The following NCKAP5 variants were observed in gnomAD, a reference collection of about 807,000 sequenced individuals.
NCKAP5 encodes the protein nck-associated protein 5.
NCKAP5 carries 92 observed loss-of-function variants against 167.0 expected under a neutral mutation model. The observed-to-expected ratio is 0.55, with a 90% CI of 0.47 to 0.66. The LOEUF (loss-of-function observed/expected upper bound fraction) is 0.66, where lower values mean the gene tolerates loss of function less well. NCKAP5 is among the 30% of genes least tolerant of loss of function. The pLI is 0.00. For synonymous variants in NCKAP5, 891 were observed against 877.4 expected (o/e 1.02, Z -0.27); for missense variants, 2,378 against 2,315.0 (o/e 1.03, Z -0.56).
chr2:133,493,987 G>C (rs986997138), intron 3 of NCKAP5, among the ~76,000 whole-genome samples: 3 of 152,184 alleles, frequency 2.0e-5, no homozygotes, highest in Non-Finnish European at 2.9e-5. Flanking sequence ...GCTTGTCCAA[G>C]AAATCATTCT....
chr2:133,603,711 T>A, the NCKAP5 span, among the ~76,000 whole-genome samples: 1 of 151,680 alleles, frequency 6.6e-6, no homozygotes, highest in Non-Finnish European at 1.5e-5. Flanking sequence ...GCTAATTTTG[T>A]ATTTTTGGTA....
At chr2:133,230,868 G>A (rs952227968) in intron 4 of NCKAP5, among the ~76,000 whole-genome samples, 12 of 152,162 alleles carry the variant, frequency 7.9e-5, no homozygotes, top group African/African-American at 2.9e-4. Context: ...AAATCACTGT[G>A]ACAAGTTTGT....
chr2:133,104,490 G>C (rs572438521), intron 6 of NCKAP5, among the ~76,000 whole-genome samples: 4 of 152,330 alleles, frequency 2.6e-5, no homozygotes, highest in African/African-American at 9.6e-5. Context: ...TCTTGACTGT[G>C]CAAACTGTAC....
At chr2:133,161,368 T>C (rs116822807) in intron 5 of NCKAP5, among the ~76,000 whole-genome samples, 3,883 of 152,252 alleles carry the variant, frequency 0.026, 79 homozygotes, top group Middle Eastern at 0.082. Context: ...CTATATATGT[T>C]TATTGAAAAT....
At chr2:133,451,745 G>A (rs1691563628) in intron 3 of NCKAP5, among the ~76,000 whole-genome samples, 1 of 152,160 alleles carries the variant, frequency 6.6e-6, no homozygotes, top group Non-Finnish European at 1.5e-5. Flanking sequence ...ATCTCAGAAA[G>A]CCTGGCATGA....
At position 132,782,827 on chromosome 2, in the gene NCKAP5, A is replaced by C; in HGVS notation, c.3984T>G (p.Ser1328=). 1 of 1,613,908 alleles carries C rather than the reference A, an allele frequency of 6.2e-7. No individual in the cohort carries two copies. Among genetic ancestry groups the C allele is most frequent in the Non-Finnish European group, 8.5e-7 (1 of 1,179,872 alleles). Reference sequence around the variant, plus strand: ...TGGGGAGACTCTCCAACATGGGAGCAGAAGGGGCCTTGTTGGGAGAGCTTT... The same window carrying C: ...TGGGGAGACTCTCCAACATGGGAGCCGAAGGGGCCTTGTTGGGAGAGCTTT... ...STESSPNKAP[S]APMLESLPSV... is the part of the protein sequence containing the mutation. The change falls in exon 14 of 20, where the codon TCT becomes TCG. Residue 1328 remains serine (S), a synonymous_variant. Transcript: ENST00000409261.
chr2:133,316,848 G>A (rs1450029280), intron 3 of NCKAP5, among the ~76,000 whole-genome samples: 2 of 152,158 alleles, frequency 1.3e-5, no homozygotes, highest in Non-Finnish European at 2.9e-5. Context: ...GCAGGCTGTT[G>A]TTTGTATTAA....
intron 11 of NCKAP5, among the ~76,000 whole-genome samples, chr2:132,831,703 G>C (rs1208971191): frequency 6.6e-6 from 1 of 151,460 alleles, no homozygotes; most frequent in African/African-American, 2.4e-5. Context: ...TTTGCAATAG[G>C]GTTTTTGTTT....
At chr2:133,669,347 C>T in the NCKAP5 span, among the ~76,000 whole-genome samples, 1 of 152,170 alleles carries the variant, frequency 6.6e-6, no homozygotes, top group East Asian at 1.9e-4. Context: ...TGCTTTCTTG[C>T]TTTTTTGGAG....
At chr2:133,464,069 A>G (rs1273716373) in intron 3 of NCKAP5, among the ~76,000 whole-genome samples, 1 of 152,086 alleles carries the variant, frequency 6.6e-6, no homozygotes, top group Non-Finnish European at 1.5e-5. Flanking sequence ...GCATGCCCCA[A>G]CTTTCCATCA....
At chr2:132,853,416 T>A (rs1689225234) in intron 11 of NCKAP5, among the ~76,000 whole-genome samples, 1 of 152,154 alleles carries the variant, frequency 6.6e-6, no homozygotes, top group Non-Finnish European at 1.5e-5. Context: ...AGGCATCTGA[T>A]CTCCGAGCAT....
At chr2:133,501,172 A>G (rs945025872) in intron 3 of NCKAP5, among the ~76,000 whole-genome samples, 1 of 152,204 alleles carries the variant, frequency 6.6e-6, no homozygotes, top group Admixed American at 6.5e-5. Context: ...AATTAGTGAC[A>G]AACCTGGGAC....
intron 6 of NCKAP5, among the ~76,000 whole-genome samples, chr2:133,108,289 G>T (rs2081785873): frequency 6.6e-6 from 1 of 152,192 alleles, no homozygotes; most frequent in African/African-American, 2.4e-5. Context: ...GAATAAGAGA[G>T]AAATGCTAGA....
chr2:132,869,193 G>A (rs1690599981), intron 9 of NCKAP5, among the ~76,000 whole-genome samples: 1 of 152,036 alleles, frequency 6.6e-6, no homozygotes, highest in South Asian at 2.1e-4. Context: ...AATTAAGATG[G>A]TTACACTTAA....
chr2:132,743,784 T>C (rs1278749335), intron 16 of NCKAP5, among the ~76,000 whole-genome samples: 3 of 151,722 alleles, frequency 2.0e-5, no homozygotes, highest in African/African-American at 7.2e-5. Flanking sequence ...TATACCTATT[T>C]ATATGCTGTA....
intron 11 of NCKAP5, among the ~76,000 whole-genome samples, chr2:132,812,406 G>T (rs2105273386): frequency 6.6e-6 from 1 of 152,354 alleles, no homozygotes; most frequent in South Asian, 2.1e-4. Context: ...GAGAGGCTAA[G>T]TAACTGTTAA....
chr2:133,536,036 A>T (rs1362854030), intron 2 of NCKAP5, among the ~76,000 whole-genome samples: 11 of 152,116 alleles, frequency 7.2e-5, no homozygotes, highest in Non-Finnish European at 1.5e-4. Context: ...TCTGGATATT[A>T]GTCCTTTGTC....
chr2:132,941,651 C>T (rs1697308143), intron 8 of NCKAP5, among the ~76,000 whole-genome samples: 1 of 152,280 alleles, frequency 6.6e-6, no homozygotes, highest in South Asian at 2.1e-4. Flanking sequence ...AAACCTGGGT[C>T]TAGCAATTCC....
chr2:132,818,260 C>A (rs79966692), intron 11 of NCKAP5, among the ~76,000 whole-genome samples: 2 of 152,212 alleles, frequency 1.3e-5, no homozygotes, highest in Non-Finnish European at 2.9e-5. Context: ...CCATACCCAG[C>A]CCTAATGCTA....
Sources: allele counts gnomAD v4.1 joint callset (sites outside exome capture counted in the v4.1 genomes callset), GRCh38; gene constraint gnomAD v4.1.1; transcripts MANE v1.5; gene names NCBI Gene and HGNC (gene_info 2026-07-23, HGNC 2026-07-21).